The following FDFT1 variants were observed in gnomAD, a reference collection of about 807,000 sequenced individuals.
FDFT1 encodes the protein farnesyl-diphosphate farnesyltransferase 1.
FDFT1 carries 68 observed loss-of-function variants against 46.8 expected under a neutral mutation model. That is an observed-to-expected ratio of 1.45 (90% CI 1.19 to 1.78). The LOEUF is 1.78. Among genes scored for constraint, FDFT1 ranks in the 40% most tolerant of loss-of-function variants. The pLI is 0.00. For synonymous variants in FDFT1, 351 were observed against 185.1 expected, an observed-to-expected ratio of 1.90 and a Z score of -7.28; for missense variants, 928 against 524.4, an observed-to-expected ratio of 1.77 and a Z score of -7.52.
chr8:11,815,240 G>A (rs781271477), intron 3 of FDFT1, among the ~76,000 whole-genome samples: 1 of 152,138 alleles, frequency 6.6e-6, no homozygotes, highest in South Asian at 2.1e-4. Context: ...TGGTGTATAT[G>A]TGCCACATTT....
chr8:11,808,531 C>A, intron 1 of FDFT1: 1 of 1,333,986 alleles, frequency 7.5e-7, no homozygotes, highest in Non-Finnish European at 9.5e-7. Context: ...GCCGCAGCCG[C>A]CTGCGGCACC....
At chr8:11,823,953 C>T (rs995527720) in intron 4 of FDFT1, among the ~76,000 whole-genome samples, 2 of 152,008 alleles carry the variant, frequency 1.3e-5, no homozygotes, top group African/African-American at 4.8e-5. Context: ...ATCGTGTTGC[C>T]TAGGCTGGTC....
chr8:11,814,129 C>A (rs960285830), intron 3 of FDFT1, among the ~76,000 whole-genome samples: 4 of 152,174 alleles, frequency 2.6e-5, no homozygotes, highest in African/African-American at 9.7e-5. Context: ...AACCAAGGAT[C>A]TGTGGAATGA....
In FDFT1 at chr8:11,839,162, A is replaced by G. The variant is rs1811983183; in HGVS notation, c.*553A>G. On this transcript the variant is annotated 3_prime_UTR_variant, in exon 8 of 8. Transcript: ENST00000220584. ...AAAGGCTGGGAATAAAATTCTGGGT[A>G]TTCTCGTATTCTCATTTAAAGGAGT... 6 of 154,844 alleles carry G rather than the reference A, an allele frequency of 3.9e-5. No individual in the cohort carries two copies. Among genetic ancestry groups the G allele is most frequent in the Admixed American group, 3.2e-4 (5 of 15,754 alleles). The allele number at this position is 154,844 out of a possible 1,614,324, so 9.6% of individuals were successfully genotyped here.
exon 1 of FDFT1, chr8:11,795,918 ACACT>A (rs1231770816): frequency 2.0e-5 from 3 of 152,576 alleles, no homozygotes; most frequent in Non-Finnish European, 4.4e-5. Context: ...AAGAACTGTA[ACACT>A]CACCGCGAGG....
intron 7 of FDFT1, among the ~76,000 whole-genome samples, chr8:11,835,662 A>C (rs923398636): frequency 7.9e-5 from 12 of 152,180 alleles, no homozygotes; most frequent in East Asian, 1.9e-4. Context: ...TTATGGTTAT[A>C]AGTACAACAG....
chr8:11,809,127 T>C, intron 2 of FDFT1: 1 of 1,320,628 alleles, frequency 7.6e-7, no homozygotes, highest in Non-Finnish European at 9.7e-7. Context: ...GGGTGATGTT[T>C]ATTAACTTTT....
At chr8:11,836,637 T>A (rs1339665579) in intron 7 of FDFT1, among the ~76,000 whole-genome samples, 1 of 152,258 alleles carries the variant, frequency 6.6e-6, no homozygotes, top group African/African-American at 2.4e-5. Context: ...GTTCTGCTTT[T>A]AGGAGGAAGG....
At chr8:11,802,250 G>C, upstream of FDFT1, 1 of 377,954 alleles carries the variant, frequency 2.6e-6, no homozygotes. Context: ...GCCTTTTCAC[G>C]GTTTTAGGCT....
upstream of FDFT1, among the ~76,000 whole-genome samples, chr8:11,798,665 C>G (rs1018729728): frequency 6.6e-6 from 1 of 152,180 alleles, no homozygotes; most frequent in Non-Finnish European, 1.5e-5. Flanking sequence ...AAAGAATGGG[C>G]ACGTTAACTA....
Position 11,835,988 on chromosome 8 carries a change from AAAAAAAAT to A in FDFT1, c.1033-2398_1033-2391del, listed in dbSNP as rs1171218163. Among the ~76,000 whole-genome samples the A allele has an allele frequency of 6.1e-5, 9 of 146,834 alleles. No homozygotes were observed. In the South Asian group the frequency reaches 1.9e-3, roughly 32 times the overall value. ...GTCTCTACTAAAAAAAAAAAAAAAAAAAAAAAATACAAAAGTTAGTTGGGCATGGTGGC... is the reference window on the plus strand; with the variant it reads ...GTCTCTACTAAAAAAAAAAAAAAAAAACAAAAGTTAGTTGGGCATGGTGGC... On this transcript the variant is annotated intron_variant, in intron 7 of 7. Transcript: ENST00000220584.
In FDFT1 at chr8:11,821,670, G is replaced by T. The variant is rs536187144; in HGVS notation, c.382-80G>T. On this transcript the variant is annotated intron_variant, in intron 3 of 7. Coordinates refer to ENST00000220584, the MANE Select transcript of FDFT1 (RefSeq NM_004462.5). ...AACCATTGCAGTCATGATTAATTCC[G>T]CCATTGTTTGCCTTGTGATCTTTGG... 74 of 1,489,748 alleles carry T rather than the reference G, an allele frequency of 5.0e-5. No individual in the cohort carries two copies. In the African/African-American group the frequency reaches 8.4e-4, roughly 17 times the overall value. The allele number at this position is 1,489,748 out of a possible 1,614,324, so 92.3% of individuals were successfully genotyped here.
chr8:11,796,120 T>C (rs1018293336), intron 1 of FDFT1: 1 of 152,002 alleles, frequency 6.6e-6, no homozygotes, highest in African/African-American at 2.4e-5. Context: ...TTCATAAATA[T>C]TTCTTAAATG....
rs978593067 is a variant in FDFT1 at position 11,808,990 on chromosome 8, G to T, written c.197+99G>T. The T allele has an allele frequency of 4.6e-6, 7 of 1,510,730 alleles. No homozygotes were observed. In the African/African-American group the frequency reaches 9.7e-5, roughly 21 times the overall value. 93.6% of individuals were successfully genotyped at this position (1,510,730 alleles called of 1,614,324 possible). ...TTTTGATATAGCGCTCAGCGTTGCAGCCTCGTTGCTGTGGCTTATCCAGAA... is the reference window on the plus strand; with the variant it reads ...TTTTGATATAGCGCTCAGCGTTGCATCCTCGTTGCTGTGGCTTATCCAGAA... On this transcript the variant is annotated intron_variant, in intron 2 of 7. Transcript: ENST00000220584.
intron 3 of FDFT1, among the ~76,000 whole-genome samples, chr8:11,815,300 T>C (rs1245162120): frequency 3.3e-5 from 5 of 152,348 alleles, no homozygotes; most frequent in African/African-American, 7.2e-5. Flanking sequence ...TCCAGGTCTT[T>C]GCTATTGTGA....
At chr8:11,824,272 G>C (rs1220310698) in intron 4 of FDFT1, among the ~76,000 whole-genome samples, 1 of 152,062 alleles carries the variant, frequency 6.6e-6, no homozygotes, top group Non-Finnish European at 1.5e-5. Flanking sequence ...GTTGTCTTAG[G>C]ATACCCTTTT....
intron 5 of FDFT1, among the ~76,000 whole-genome samples, chr8:11,828,143 C>T (rs1211645991): frequency 6.6e-6 from 1 of 151,926 alleles, no homozygotes; most frequent in Non-Finnish European, 1.5e-5. Context: ...CAAAAATTAG[C>T]TGGGTATAGT....
chr8:11,821,709 C>T (rs1809271139), intron 3 of FDFT1, 41 bp from the exon 4 acceptor site: 2 of 1,607,078 alleles, frequency 1.2e-6, no homozygotes, highest in Admixed American at 1.7e-5. Flanking sequence ...CATGTCTGTA[C>T]ATATTTCATG....
chr8:11,836,358 G>C (rs919295152), intron 7 of FDFT1, among the ~76,000 whole-genome samples: 1 of 152,196 alleles, frequency 6.6e-6, no homozygotes, highest in African/African-American at 2.4e-5. Context: ...TTTCCAAGTA[G>C]GGCTGGACCT....
Sources: allele counts gnomAD v4.1 joint callset (sites outside exome capture counted in the v4.1 genomes callset), GRCh38; gene constraint gnomAD v4.1.1; transcripts MANE v1.5; gene names NCBI Gene and HGNC (gene_info 2026-07-23, HGNC 2026-07-21).